Variants in ERC1 observed in about 807,000 individuals in gnomAD.
The protein encoded by ERC1 is ELKS/RAB6-interacting/CAST family member 1.
ERC1 carries 56 observed loss-of-function variants against 132.0 expected under a neutral mutation model. That is an observed-to-expected ratio of 0.42 (90% CI 0.34 to 0.53). The LOEUF (loss-of-function observed/expected upper bound fraction) is 0.53, where lower values mean the gene tolerates loss of function less well. ERC1 is among the 20% of genes least tolerant of loss of function. The pLI is 0.03. For synonymous variants in ERC1, 478 were observed against 476.1 expected, an observed-to-expected ratio of 1.00 and a Z score of -0.05; for missense variants, 1,202 against 1,349.9, an observed-to-expected ratio of 0.89 and a Z score of 1.72.
chr12:1,440,305 C>A (rs373986903), intron 17 of ERC1, among the ~76,000 whole-genome samples: 28 of 143,788 alleles, frequency 1.9e-4, no homozygotes, highest in Admixed American at 4.9e-4. Flanking sequence ...CCTGGGTTCA[C>A]GCCATTCTCC....
chr12:1,170,075 A>G (rs117295000), intron 8 of ERC1, among the ~76,000 whole-genome samples: 1,751 of 152,318 alleles, frequency 0.011, 18 homozygotes, highest in Non-Finnish European at 0.016. Context: ...TGGAAAAGCT[A>G]TAAAAAGAAA....
At chr12:1,017,056 G>A (rs2154142657) in intron 1 of ERC1, among the ~76,000 whole-genome samples, 1 of 151,564 alleles carries the variant, frequency 6.6e-6, no homozygotes, top group Admixed American at 6.6e-5. Context: ...GAGTGCAGTG[G>A]CATGATCTCG....
chr12:1,121,641 A>ATCTCTATCTCTATCTCTATCTGTG (rs1221865655), intron 7 of ERC1, among the ~76,000 whole-genome samples: 2 of 12,098 alleles, frequency 1.7e-4, no homozygotes, highest in Non-Finnish European at 5.6e-4. Context: ...AAGGCTGATG[A>ATCTCTATCTCTATCTCTATCTGTG]TCTCTATCTC....
At chr12:1,236,270 T>A (rs1029818040) in intron 12 of ERC1, among the ~76,000 whole-genome samples, 11 of 152,188 alleles carry the variant, frequency 7.2e-5, no homozygotes, top group Non-Finnish European at 1.6e-4. Flanking sequence ...AATATGATGT[T>A]CCATTTCTTA....
At chr12:1,156,219 G>A (rs1951379479) in intron 8 of ERC1, among the ~76,000 whole-genome samples, 1 of 151,734 alleles carries the variant, frequency 6.6e-6, no homozygotes, top group Non-Finnish European at 1.5e-5. Context: ...ATGAAGATAG[G>A]GGTTTTTCTT....
chr12:992,018 C>T (rs527819195), intron 1 of ERC1, among the ~76,000 whole-genome samples: 6 of 152,172 alleles, frequency 3.9e-5, no homozygotes, highest in Admixed American at 3.9e-4. Context: ...AATCCCCTTA[C>T]TTTGGCTCAG....
chr12:1,201,271 CT>C (rs1302888851), intron 12 of ERC1, among the ~76,000 whole-genome samples: 1 of 152,070 alleles, frequency 6.6e-6, no homozygotes, highest in Admixed American at 6.6e-5. Flanking sequence ...ATTGGTATAA[CT>C]TTTTTTCTTT....
At chr12:1,093,955 T>TTTTATATATATATATATATATA (rs1469024496) in intron 3 of ERC1, among the ~76,000 whole-genome samples, 1 of 16,136 alleles carries the variant, frequency 6.2e-5, no homozygotes, top group Non-Finnish European at 1.8e-4. Flanking sequence ...ATATATATTT[T>TTTTATATATATATATATATATA]TCTATATATA....
chr12:1,263,665 G>C (rs1479179513), intron 14 of ERC1, among the ~76,000 whole-genome samples: 1 of 151,906 alleles, frequency 6.6e-6, no homozygotes, highest in African/African-American at 2.4e-5. Context: ...GAAAAAACAT[G>C]AACGTTTCTC....
intron 7 of ERC1, among the ~76,000 whole-genome samples, chr12:1,131,070 A>G (rs145943548): frequency 1.1e-3 from 174 of 152,358 alleles, no homozygotes; most frequent in African/African-American, 3.9e-3. Context: ...ATTAAAATAA[A>G]GAATTCTTAA....
rs1477874603 is a variant in ERC1 at position 1,132,837 on chromosome 12, CA to C, written c.1570-8782del. Among the ~76,000 whole-genome samples the C allele has an allele frequency of 8.6e-5, 13 of 150,776 alleles. No homozygotes were observed. In the East Asian group the frequency reaches 2.5e-3, roughly 29 times the overall value. On this transcript the variant is annotated intron_variant, in intron 7 of 18. Transcript: ENST00000360905. ...TAAGAATTTGTGTATTTAGGACATA[CA>C]GGATAAAATAATGTGGGTTTTTTTT... is the stretch of plus-strand genomic sequence containing the variant.
At position 1,435,864 on chromosome 12, in the gene ERC1, T is replaced by C. The variant is rs116794005; in HGVS notation, c.3025-8698T>C. 4.8e-3 allele frequency among the ~76,000 whole-genome samples: 730 copies of C among 152,282 alleles called. 8 individuals carry two copies. The highest frequency in any genetic ancestry group is 0.017 in the African/African-American group (687 of 41,546). The stretch of plus-strand genomic sequence containing the variant: ...TGATATTTACACACAGCTACAGATA[T>C]ATTTATAGTTTCTCTTGGATTTCGG... On this transcript the variant is annotated intron_variant, in intron 17 of 18. Transcript: ENST00000360905.
intron 8 of ERC1, among the ~76,000 whole-genome samples, chr12:1,172,451 G>A (rs1472473662): frequency 6.6e-6 from 1 of 152,164 alleles, no homozygotes; most frequent in Non-Finnish European, 1.5e-5. Context: ...CTTGGTGACA[G>A]AGCAAGACCC....
rs762069058 is a variant in ERC1, at chr12:1,134,877, C to T, written c.1570-6743C>T. Among the ~76,000 whole-genome samples, 7 of 152,084 alleles carry T rather than the reference C, an allele frequency of 4.6e-5. No homozygotes were observed. In the South Asian group the frequency reaches 6.2e-4, roughly 14 times the overall value. On this transcript the variant is annotated intron_variant, in intron 7 of 18. Transcript: ENST00000360905. ...CTGAGTAGCTGGGATTACAGGCATG[C>T]GCTACCATGCCTGACTAATTTTGTA...
rs190665217 is a variant in ERC1, at chr12:1,099,833, T to G, written c.1087-4917T>G. Among the ~76,000 whole-genome samples, 305 of 121,182 alleles carry G rather than the reference T, an allele frequency of 2.5e-3. 2 individuals carry two copies. The highest frequency in any genetic ancestry group is 4.0e-3 in the Non-Finnish European group (242 of 61,166). The allele number at this position is 121,182 out of a possible 152,430, so 79.5% of individuals were successfully genotyped here. On this transcript the variant is annotated intron_variant, in intron 3 of 18. Transcript: ENST00000360905. ...ATAAGGATGAGCCTGCTTGAGACTT[T>G]GATTTTTTTTTTTTTTTTTTTTTTT...
At chr12:1,058,735 C>T (rs550208480) in intron 2 of ERC1, among the ~76,000 whole-genome samples, 3 of 144,104 alleles carry the variant, frequency 2.1e-5, no homozygotes, top group Non-Finnish European at 4.5e-5. Flanking sequence ...TGAAGAATAT[C>T]ATTGATATTT....
At chr12:1,214,463 A>G (rs1389854233) in intron 12 of ERC1, among the ~76,000 whole-genome samples, 2 of 152,192 alleles carry the variant, frequency 1.3e-5, no homozygotes, top group Non-Finnish European at 2.9e-5. Flanking sequence ...TATATTTAGC[A>G]TAGCGCTAGA....
chr12:1,298,542 CA>C (rs759796167), intron 15 of ERC1, among the ~76,000 whole-genome samples: 7,896 of 74,770 alleles, frequency 0.11, 329 homozygotes, highest in African/African-American at 0.2. Context: ...GACTCTGTCA[CA>C]AAAAAAAAAA....
At chr12:1,188,969 G>A (rs1453033973) in intron 11 of ERC1, among the ~76,000 whole-genome samples, 1 of 152,196 alleles carries the variant, frequency 6.6e-6, no homozygotes, top group Non-Finnish European at 1.5e-5. Flanking sequence ...TATTGAAACT[G>A]TTTTGTATTC....
Sources: gnomAD v4.1 joint callset for allele counts (sites outside exome capture counted in the v4.1 genomes callset) on GRCh38, gnomAD v4.1.1 for gene constraint, MANE v1.5 for transcripts, NCBI Gene and HGNC (gene_info 2026-07-23, HGNC 2026-07-21) for gene names.